ROR2: variants seen among roughly 807,000 people sequenced by gnomAD.
The protein encoded by ROR2 is ROR family WNT receptor 2, also known as tyrosine-protein kinase transmembrane receptor ROR2.
ROR2 carries 33 observed loss-of-function variants against 74.9 expected under a neutral mutation model. The observed-to-expected ratio is 0.44, with a 90% confidence interval of 0.33 to 0.59. The LOEUF (loss-of-function observed/expected upper bound fraction) is 0.59. ROR2 is among the 20% of genes least tolerant of loss of function. The pLI, the probability that ROR2 is intolerant of heterozygous loss-of-function variation, is 0.02. For synonymous variants in ROR2, 586 were observed against 558.7 expected (o/e 1.05, Z -0.69); for missense variants, 1,216 against 1,313.8 (o/e 0.93, Z 1.15).
At chr9:91,895,315 C>A (rs1211554367) in intron 1 of ROR2, among the ~76,000 whole-genome samples, 1 of 152,096 alleles carries the variant, frequency 6.6e-6, no homozygotes, top group African/African-American at 2.4e-5. Flanking sequence ...CTGTATGATA[C>A]TATCATGGTA....
intron 1 of ROR2, among the ~76,000 whole-genome samples, chr9:91,825,933 C>G (rs144031931): frequency 6.6e-6 from 1 of 152,358 alleles, no homozygotes; most frequent in Non-Finnish European, 1.5e-5. Context: ...AGCTTTAATG[C>G]TGACTTACAT....
At chr9:91,758,224 C>CA (rs1724757307) in intron 2 of ROR2, among the ~76,000 whole-genome samples, 1 of 152,100 alleles carries the variant, frequency 6.6e-6, no homozygotes, top group African/African-American at 2.4e-5. Flanking sequence ...ACAAAAGCAC[C>CA]GTAAGTATTG....
chr9:91,737,118 C>A (rs910613729), intron 5 of ROR2, among the ~76,000 whole-genome samples: 1 of 152,224 alleles, frequency 6.6e-6, no homozygotes, highest in Non-Finnish European at 1.5e-5. Context: ...GTGCTTTGGA[C>A]CCACACGGTT....
At chr9:91,866,417 C>G (rs1004435333) in intron 1 of ROR2, among the ~76,000 whole-genome samples, 1 of 103,910 alleles carries the variant, frequency 9.6e-6, no homozygotes, top group Admixed American at 1.2e-4. Context: ...CACGCCCAGT[C>G]TTTTTTTTTT....
chr9:91,866,402 G>A (rs2119318203), intron 1 of ROR2, among the ~76,000 whole-genome samples: 1 of 141,168 alleles, frequency 7.1e-6, no homozygotes, highest in East Asian at 2.1e-4. Flanking sequence ...ACAGGCATAA[G>A]CCACCACGCC....
intron 1 of ROR2, among the ~76,000 whole-genome samples, chr9:91,908,906 C>A (rs147854425): frequency 1.9e-4 from 26 of 134,814 alleles, no homozygotes; most frequent in African/African-American, 7.2e-4. Context: ...AAAAACTCCA[C>A]TGACCATGAG....
At chr9:91,910,654 T>C (rs995544773) in intron 1 of ROR2, among the ~76,000 whole-genome samples, 2 of 149,120 alleles carry the variant, frequency 1.3e-5, no homozygotes, top group African/African-American at 2.6e-5. Context: ...ATTAAATACA[T>C]AAAATATGTA....
intron 1 of ROR2, among the ~76,000 whole-genome samples, chr9:91,899,223 G>A (rs1041457794): frequency 6.6e-6 from 1 of 152,220 alleles, no homozygotes; most frequent in East Asian, 1.9e-4. Context: ...AAAATGCACA[G>A]GAACTCATGA....
intron 1 of ROR2, among the ~76,000 whole-genome samples, chr9:91,849,697 C>A (rs947615638): frequency 2.0e-5 from 3 of 152,246 alleles, no homozygotes; most frequent in African/African-American, 7.2e-5. Context: ...ATACACTCCT[C>A]TCTTTGAGTC....
intron 1 of ROR2, among the ~76,000 whole-genome samples, chr9:91,804,167 G>A (rs539190195): frequency 2.6e-5 from 4 of 152,274 alleles, no homozygotes; most frequent in East Asian, 1.9e-4. Flanking sequence ...CCTGCCACAC[G>A]GCTCCGTCAG....
chr9:91,904,989 ACACAC>A (rs1830776515), intron 1 of ROR2, among the ~76,000 whole-genome samples: 1 of 151,858 alleles, frequency 6.6e-6, no homozygotes, highest in South Asian at 2.1e-4. Flanking sequence ...AACATACAAT[ACACAC>A]AACACATACC....
At position 91,775,724 on chromosome 9, in the gene ROR2, T is replaced by C. The variant is rs372392835; in HGVS notation, c.175+17A>G. On this transcript the variant is annotated intron_variant, in intron 2 of 8. Transcript: ENST00000375708. ...GCATTTGGAGGACATGGAGAGCACC[T>C]GCATGTCCCAGCTCACCTTTCAGAG... The C allele has an allele frequency of 4.3e-4, 691 of 1,612,538 alleles. 2 individuals are homozygous for C. In the African/African-American group the frequency reaches 7.9e-3, roughly 18 times the overall value.
At chr9:91,942,482 G>A (rs1013727367) in intron 1 of ROR2, among the ~76,000 whole-genome samples, 1 of 152,040 alleles carries the variant, frequency 6.6e-6, no homozygotes, top group African/African-American at 2.4e-5. Flanking sequence ...AAATCAATCC[G>A]TACAGTTATT....
intron 1 of ROR2, among the ~76,000 whole-genome samples, chr9:91,900,419 C>T (rs1346995049): frequency 6.6e-6 from 1 of 152,240 alleles, no homozygotes; most frequent in Admixed American, 6.5e-5. Context: ...ACGCAGGGAA[C>T]GGTGGCGGCG....
intron 1 of ROR2, among the ~76,000 whole-genome samples, chr9:91,912,643 T>A (rs1831025008): frequency 2.0e-5 from 3 of 152,220 alleles, no homozygotes; most frequent in Admixed American, 1.3e-4. Context: ...AGCTTAAGTG[T>A]TTTGGGAAAA....
chr9:91,794,083 T>A (rs545489748), intron 1 of ROR2, among the ~76,000 whole-genome samples: 1 of 152,240 alleles, frequency 6.6e-6, no homozygotes, highest in African/African-American at 2.4e-5. Flanking sequence ...CCAGCTCTGG[T>A]TGTCACAGCA....
In ROR2 at chr9:91,733,115, C is replaced by T; in HGVS notation, c.937+7G>A. The T allele has an allele frequency of 6.3e-7, 1 of 1,588,058 alleles. No homozygotes were observed. The highest frequency in any genetic ancestry group is 8.6e-7 in the Non-Finnish European group (1 of 1,169,502). On this transcript the variant is annotated splice_region_variant and intron_variant, in intron 6 of 8. Transcript: ENST00000375708. The surrounding 1 kb of genome is among the most constrained non-coding windows in gnomAD (Gnocchi z 5.7). ...CCCGGTCCCGCCCCGGGCCCTCGGGCACTCACAGCGGCCCAGCCTCTCGGC... is the reference window on the plus strand; with the variant it reads ...CCCGGTCCCGCCCCGGGCCCTCGGGTACTCACAGCGGCCCAGCCTCTCGGC...
At chr9:91,829,549 CAAAAAA>C (rs34687056) in intron 1 of ROR2, among the ~76,000 whole-genome samples, 9 of 40,510 alleles carry the variant, frequency 2.2e-4, no homozygotes, top group Admixed American at 6.5e-4. Flanking sequence ...GACTCCGTCT[CAAAAAA>C]AAAAAAAAAA....
chr9:91,835,215 T>A (rs1430516606), intron 1 of ROR2, among the ~76,000 whole-genome samples: 1 of 152,104 alleles, frequency 6.6e-6, no homozygotes, highest in East Asian at 1.9e-4. Flanking sequence ...TCCAGCCAGT[T>A]CACAGCAGTG....
Sources: gnomAD v4.1 joint callset for allele counts (sites outside exome capture counted in the v4.1 genomes callset) on GRCh38, gnomAD v4.1.1 for gene constraint, Gnocchi (gnomAD v3.1) non-coding constraint, MANE v1.5 for transcripts, NCBI Gene and HGNC (gene_info 2026-07-23, HGNC 2026-07-21) for gene names.